The following FAR2 variants were observed in gnomAD, a reference collection of about 807,000 sequenced individuals.
FAR2 encodes the protein epididymis secretory protein Li 81.
A neutral mutation model predicts 56.0 loss-of-function variants in FAR2; 19 were observed. The ratio of observed to expected loss-of-function variants is 0.34; its 90% CI spans 0.24 to 0.50. The LOEUF (loss-of-function observed/expected upper bound fraction) is 0.50. Among genes scored for constraint, FAR2 ranks in the 20% least tolerant of loss-of-function variants. The probability of loss-of-function intolerance (pLI) is 0.98; values close to 1 mark genes in which losing one functional copy is unlikely to be tolerated. For missense variants in FAR2, 508 were observed against 642.2 expected, an observed-to-expected ratio of 0.79 and a Z score of 2.26; for synonymous variants, 219 against 218.8, an observed-to-expected ratio of 1.00 and a Z score of -0.01.
intron 1 of FAR2, among the ~76,000 whole-genome samples, chr12:29,225,440 G>C (rs1947750934): frequency 6.6e-6 from 1 of 152,046 alleles, no homozygotes; most frequent in Non-Finnish European, 1.5e-5. Flanking sequence ...AGCTATTGTT[G>C]TTACTATTAC....
rs542708023 is a variant in FAR2, at chr12:29,247,240, G to C, written c.-38-23172G>C. On this transcript the variant is annotated intron_variant, in intron 1 of 11. Transcript: ENST00000536681. ...CACATGGTTCAAGAAATAATTACTTGATATGTGGCAGTGACTAAGCTCCTG... is the reference window on the plus strand; with the variant it reads ...CACATGGTTCAAGAAATAATTACTTCATATGTGGCAGTGACTAAGCTCCTG... Among the ~76,000 whole-genome samples, 3 of 152,204 alleles carry C rather than the reference G, an allele frequency of 2.0e-5. No homozygotes were observed. The South Asian group carries it at 6.2e-4, about 32-fold the overall frequency.
chr12:29,186,755 ATTATTTATTTATTTATTTAT>A (rs200745083), intron 1 of FAR2, among the ~76,000 whole-genome samples: 11 of 46,366 alleles, frequency 2.4e-4, no homozygotes, highest in Non-Finnish European at 6.8e-4. Context: ...TTCTTTATTT[ATTATTTATTTATTTATTTAT>A]TTATTTATTT....
chr12:29,309,447 A>C (rs1949309098), intron 6 of FAR2, among the ~76,000 whole-genome samples: 1 of 152,202 alleles, frequency 6.6e-6, no homozygotes, highest in Admixed American at 6.5e-5. Flanking sequence ...ATGTGCTATC[A>C]GTTACTATTT....
At chr12:29,256,204 A>T (rs943881269) in intron 1 of FAR2, among the ~76,000 whole-genome samples, 6 of 151,022 alleles carry the variant, frequency 4.0e-5, no homozygotes, top group South Asian at 2.1e-4. Flanking sequence ...TGTTTTTTTT[A>T]AAACATGGGG....
At chr12:29,269,241 C>T (rs1044201408) in intron 1 of FAR2, among the ~76,000 whole-genome samples, 31 of 152,188 alleles carry the variant, frequency 2.0e-4, no homozygotes, top group African/African-American at 4.6e-4. Flanking sequence ...CCTCCAGGCG[C>T]GTATTCTCCT....
intron 1 of FAR2, among the ~76,000 whole-genome samples, chr12:29,163,319 T>C (rs1185739626): frequency 6.6e-6 from 1 of 152,232 alleles, no homozygotes; most frequent in African/African-American, 2.4e-5. Flanking sequence ...AGAAGAGTGA[T>C]TGACACTGAG....
chr12:29,216,562 G>A (rs147156840), intron 1 of FAR2, among the ~76,000 whole-genome samples: 5 of 152,092 alleles, frequency 3.3e-5, no homozygotes, highest in East Asian at 1.9e-4. Context: ...ACATGTGAGC[G>A]CCCACTGATT....
intron 1 of FAR2, among the ~76,000 whole-genome samples, chr12:29,231,292 G>A (rs1299008903): frequency 5.9e-5 from 9 of 152,148 alleles, no homozygotes; most frequent in Non-Finnish European, 4.4e-5. Flanking sequence ...TATTCAGGAG[G>A]CAAATGCCAG....
At chr12:29,199,842 C>G (rs1277465292) in intron 1 of FAR2, among the ~76,000 whole-genome samples, 1 of 152,106 alleles carries the variant, frequency 6.6e-6, no homozygotes, top group Admixed American at 6.5e-5. Context: ...TCTCGTGTTT[C>G]TGGCTAGAGT....
At chr12:29,277,017 C>T (rs1948711817) in intron 2 of FAR2, among the ~76,000 whole-genome samples, 1 of 152,084 alleles carries the variant, frequency 6.6e-6, no homozygotes, top group Admixed American at 6.5e-5. Flanking sequence ...ACTCTGTCAC[C>T]CAGCTGCTAG....
At chr12:29,301,279 A>G (rs774347741) in intron 4 of FAR2, among the ~76,000 whole-genome samples, 7 of 152,054 alleles carry the variant, frequency 4.6e-5, no homozygotes, top group Non-Finnish European at 1.0e-4. Context: ...CCTGGCTCTT[A>G]TATCTGTAGT....
chr12:29,156,983 A>G (rs1591821856), intron 1 of FAR2: 2 of 151,796 alleles, frequency 1.3e-5, no homozygotes, highest in East Asian at 1.9e-4. Flanking sequence ...ATTGCCAGCC[A>G]TATTGATTGG....
intron 1 of FAR2, among the ~76,000 whole-genome samples, chr12:29,225,372 G>A (rs758079734): frequency 4.9e-4 from 75 of 152,094 alleles, no homozygotes; most frequent in Non-Finnish European, 9.0e-4. Context: ...TTATTGTAAA[G>A]GTTAAATGGG....
chr12:29,213,809 T>A (rs956872854), intron 1 of FAR2, among the ~76,000 whole-genome samples: 2 of 152,006 alleles, frequency 1.3e-5, no homozygotes, highest in African/African-American at 4.8e-5. Flanking sequence ...ACCATCTCCA[T>A]CCTTCATGCT....
At chr12:29,321,676 TGAG>T in intron 9 of FAR2, 116 bp from the exon 10 acceptor site, 2 of 1,147,684 alleles carry the variant, frequency 1.7e-6, no homozygotes, top group Non-Finnish European at 2.4e-6. Context: ...AGAATTTTAA[TGAG>T]GAGTGGTAGA....
At chr12:29,279,482 ATGAGGTCAC>A in intron 2 of FAR2, among the ~76,000 whole-genome samples, 1 of 152,282 alleles carries the variant, frequency 6.6e-6, no homozygotes, top group Non-Finnish European at 1.5e-5. Context: ...CTAGGAGAAA[ATGAGGTCAC>A]TGAGTTTGTT....
intron 1 of FAR2, among the ~76,000 whole-genome samples, chr12:29,201,335 C>T (rs6487782): frequency 0.47 from 70,766 of 151,962 alleles, 17,687 homozygotes; most frequent in Admixed American, 0.58. Context: ...CCTTTACATA[C>T]GTGTGAGCAT....
At chr12:29,178,963 G>A (rs1167465001) in intron 1 of FAR2, among the ~76,000 whole-genome samples, 7 of 152,094 alleles carry the variant, frequency 4.6e-5, no homozygotes, top group South Asian at 4.2e-4. Context: ...GAGGGCCATC[G>A]GGAAGGAGCT....
chr12:29,210,523 G>A (rs1314031516), intron 1 of FAR2, among the ~76,000 whole-genome samples: 2 of 152,210 alleles, frequency 1.3e-5, no homozygotes, highest in Non-Finnish European at 2.9e-5. Flanking sequence ...ATATATTTAT[G>A]TATATAAAAA....
Sources: gnomAD v4.1 joint callset for allele counts (sites outside exome capture counted in the v4.1 genomes callset) on GRCh38, gnomAD v4.1.1 for gene constraint, MANE v1.5 for transcripts, NCBI Gene and HGNC (gene_info 2026-07-23, HGNC 2026-07-21) for gene names.